Variants in AKAP9 observed in about 807,000 individuals in gnomAD.
The protein encoded by AKAP9 is A-kinase anchor protein 9.
AKAP9 carries 311 observed loss-of-function variants against 488.5 expected under a neutral mutation model. The observed-to-expected ratio is 0.64, with a 90% CI of 0.58 to 0.70. The LOEUF (loss-of-function observed/expected upper bound fraction) is 0.70. Among genes scored for constraint, AKAP9 ranks in the 30% least tolerant of loss-of-function variants. AKAP9 has a pLI of 0.00. For missense variants in AKAP9, 4,215 were observed against 4,374.5 expected (o/e 0.96, Z 1.03); for synonymous variants, 1,462 against 1,483.5 (o/e 0.99, Z 0.33).
intron 12 of AKAP9, among the ~76,000 whole-genome samples, chr7:92,019,428 C>T (rs929926273): frequency 3.3e-5 from 5 of 151,942 alleles, no homozygotes; most frequent in Admixed American, 6.6e-5. Context: ...GCATGAGCCA[C>T]CACACCCGAC....
chr7:91,977,613 C>A (rs1795872658), intron 2 of AKAP9, among the ~76,000 whole-genome samples: 1 of 152,170 alleles, frequency 6.6e-6, no homozygotes, highest in Non-Finnish European at 1.5e-5. Context: ...AGTACAATAT[C>A]TGTGTTCCTC....
intron 10 of AKAP9, among the ~76,000 whole-genome samples, chr7:92,014,868 A>G (rs1801288807): frequency 6.6e-6 from 1 of 152,150 alleles, no homozygotes; most frequent in African/African-American, 2.4e-5. Context: ...AACAGACACT[A>G]ATTGTTGATG....
intron 2 of AKAP9, among the ~76,000 whole-genome samples, chr7:91,979,878 T>A (rs1796165243): frequency 6.6e-6 from 1 of 152,170 alleles, no homozygotes; most frequent in Non-Finnish European, 1.5e-5. Flanking sequence ...ATTGTTTATT[T>A]TTGGAATTTT....
chr7:91,998,693 A>G (rs1247598999), intron 7 of AKAP9, among the ~76,000 whole-genome samples: 1 of 152,002 alleles, frequency 6.6e-6, no homozygotes, highest in Non-Finnish European at 1.5e-5. Context: ...ACATTTTTCA[A>G]ACTTAGTTAC....
intron 21 of AKAP9, 81 bp downstream of exon 21, chr7:92,045,294 TAGAAG>T: frequency 7.3e-7 from 1 of 1,368,560 alleles, no homozygotes; most frequent in Non-Finnish European, 1.0e-6. Flanking sequence ...GTTGAAAATA[TAGAAG>T]AGAAAATAAG....
In AKAP9 at chr7:92,003,159, A is replaced by C; in HGVS notation, c.3242A>C (p.Glu1081Ala). The C allele has an allele frequency of 6.2e-7, 1 of 1,611,340 alleles. No individual in the cohort carries two copies. Among genetic ancestry groups the C allele is most frequent in the Non-Finnish European group, 8.5e-7 (1 of 1,178,782 alleles). Residue 1081 changes from glutamate to alanine, a missense_variant, in exon 8 of 50, where the codon GAA becomes GCA. Coordinates refer to ENST00000356239, the MANE Select transcript of AKAP9 (RefSeq NM_005751.5). ...GATCACTTACCATCTGTAACAAAGGAATCATCACTTAGAGCAACTCAACCA... is the reference window on the plus strand; with the variant it reads ...GATCACTTACCATCTGTAACAAAGGCATCATCACTTAGAGCAACTCAACCA... ...ILDHLPSVTKESSLRATQPSE... is the reference protein window; with the variant it reads ...ILDHLPSVTKASSLRATQPSE...
rs150138799 is a variant in AKAP9, at chr7:92,102,731, G to A, written c.11235G>A (p.Gly3745=). 32 of 1,614,194 alleles carry A rather than the reference G, an allele frequency of 2.0e-5. No homozygotes were observed. In the East Asian group the frequency reaches 6.7e-4, roughly 34 times the overall value. Residue 3745 remains glycine (G), a synonymous_variant, in exon 46 of 50, where the codon GGG becomes GGA. Transcript: ENST00000356239. ...ATLALLARMG[G]QPAFTDLEVI... ...TGGCCCTGCTTGCCCGGATGGGGGG[G>A]CAGCCAGCTTTCACGGATCTAGAGG...
At chr7:91,974,576 T>G (rs1795435914) in intron 2 of AKAP9, among the ~76,000 whole-genome samples, 1 of 152,200 alleles carries the variant, frequency 6.6e-6, no homozygotes, top group Non-Finnish European at 1.5e-5. Context: ...TGGGATTGTT[T>G]TGGCTGTTGC....
chr7:92,038,051 A>T (rs1412156306), intron 16 of AKAP9, among the ~76,000 whole-genome samples: 1 of 152,200 alleles, frequency 6.6e-6, no homozygotes, highest in African/African-American at 2.4e-5. Context: ...ATTCATATCT[A>T]TCTCTGCAAA....
At chr7:91,946,346 C>A (rs897496065) in intron 1 of AKAP9, among the ~76,000 whole-genome samples, 4 of 151,426 alleles carry the variant, frequency 2.6e-5, no homozygotes, top group Non-Finnish European at 5.9e-5. Context: ...ACATTTATTG[C>A]AGCAATAGTG....
At position 92,066,516 on chromosome 7, in the gene AKAP9, CCAGCCTATCAGTGAA is replaced by C. The variant is rs1229169680; in HGVS notation, c.6303_6317del (p.Gln2101_Glu2105del). 1 of 1,613,362 alleles carries C rather than the reference CCAGCCTATCAGTGAA, an allele frequency of 6.2e-7. No homozygotes were observed. Among genetic ancestry groups the C allele is most frequent in the African/African-American group, 1.3e-5 (1 of 74,882 alleles). ...AGCAACTTAAGGTTGTTCCTCGATT[CCAGCCTATCAGTGAA>C]CATCAAACTAGAGAGGTAAGAACTT... On this transcript the variant is annotated inframe_deletion, in exon 26 of 50. Coordinates refer to ENST00000356239, the MANE Select transcript of AKAP9 (RefSeq NM_005751.5).
At position 92,083,499 on chromosome 7, in the gene AKAP9, G is replaced by A. The variant is rs772173332; in HGVS notation, c.8490G>A (p.Lys2830=). ...IISQFTEKIE[K]MQELHAAEIL... The stretch of plus-strand genomic sequence containing the variant: ...GTCAGTTTACTGAAAAAATTGAGAA[G>A]ATGCAAGAACTACATGCTGCTGAAA... The change falls in exon 33 of 50, where the codon AAG becomes AAA. Residue 2830 remains lysine, a synonymous_variant. Transcript: ENST00000356239. The A allele has an allele frequency of 3.7e-6, 6 of 1,611,800 alleles. No individual in the cohort carries two copies. In the African/African-American group the frequency reaches 8.0e-5, roughly 22 times the overall value.
At chr7:91,992,671 A>C (rs1220241866) in intron 4 of AKAP9, among the ~76,000 whole-genome samples, 1 of 139,748 alleles carries the variant, frequency 7.2e-6, no homozygotes, top group African/African-American at 2.7e-5. Flanking sequence ...CAAAAAAAAA[A>C]AAAAAAAAAA....
chr7:91,944,156 A>C (rs901271472), intron 1 of AKAP9, among the ~76,000 whole-genome samples: 2 of 152,120 alleles, frequency 1.3e-5, no homozygotes, highest in African/African-American at 2.4e-5. Context: ...TTCTACAAAG[A>C]CTTTTTGAGT....
chr7:92,097,322 G>A lies in AKAP9; in HGVS notation c.10363G>A (p.Glu3455Lys), dbSNP rs144170939. Residue 3455 changes from glutamate (E) to lysine (K), a missense_variant, in exon 41 of 50, where the codon GAA becomes AAA. Physicochemically the swap from Glu to Lys is moderately conservative, Grantham distance 56 (BLOSUM62 1). Around this residue, in one of 5 missense-constraint regions of AKAP9, gnomAD observed 1,476 missense variants for 1,477.4 expected, o/e 1.00. Coordinates refer to ENST00000356239, the MANE Select transcript of AKAP9 (RefSeq NM_005751.5). The part of the protein sequence containing the change: ...KQELEREEKR[E>K]SRRILYQNLN... ...AGAACTAGAACGAGAAGAAAAACGA[G>A]AAAGTAGAAGAATTCTGTATCAGAA... is the stretch of plus-strand genomic sequence containing the variant. The A allele has an allele frequency of 6.2e-7, 1 of 1,613,536 alleles. No homozygotes were observed. The highest frequency in any genetic ancestry group is 8.5e-7 in the Non-Finnish European group (1 of 1,179,918).
Position 92,083,632 on chromosome 7 carries a change from A to G in AKAP9, c.8623A>G (p.Ile2875Val), listed in dbSNP as rs747254473. ...GGAATGTGGTACCTTGAAGGCAGTG[A>G]TACAGTGTCTGAGAAGTAAAGAGGT... The part of the protein sequence containing the change: ...KEECGTLKAV[I>V]QCLRSKEGSS... The change falls in exon 33 of 50, where the codon ATA (isoleucine) becomes GTA (valine). Residue 2875 changes from isoleucine to valine, a missense_variant. By Grantham distance (29) the Ile-to-Val change is conservative. Around this residue, in one of 5 missense-constraint regions of AKAP9, gnomAD observed 1,476 missense variants for 1,477.4 expected, o/e 1.00. Coordinates refer to ENST00000356239, the MANE Select transcript of AKAP9 (RefSeq NM_005751.5). 6 of 1,611,306 alleles carry G rather than the reference A, an allele frequency of 3.7e-6. No individual in the cohort carries two copies. In the African/African-American group the frequency reaches 8.0e-5, roughly 22 times the overall value.
intron 14 of AKAP9, among the ~76,000 whole-genome samples, chr7:92,026,161 A>C (rs1467566860): frequency 6.6e-6 from 1 of 152,238 alleles, no homozygotes; most frequent in Admixed American, 6.5e-5. Flanking sequence ...AAGGTACATC[A>C]TATAAATAGG....
chr7:91,979,432 C>G (rs1330067797), intron 2 of AKAP9, among the ~76,000 whole-genome samples: 1 of 152,112 alleles, frequency 6.6e-6, no homozygotes, highest in Non-Finnish European at 1.5e-5. Flanking sequence ...TTATCTCCCA[C>G]CAGGTCTCTC....
intron 3 of AKAP9, among the ~76,000 whole-genome samples, chr7:91,991,528 G>A (rs1797752597): frequency 6.7e-6 from 1 of 149,750 alleles, no homozygotes; most frequent in Non-Finnish European, 1.5e-5. Context: ...CTGTAGTGCA[G>A]TGGCTCGATC....
Sources: allele counts gnomAD v4.1 joint callset (sites outside exome capture counted in the v4.1 genomes callset), GRCh38; gene constraint gnomAD v4.1.1; regional missense constraint gnomAD v4.1.1; transcripts MANE v1.5; gene names NCBI Gene and HGNC (gene_info 2026-07-23, HGNC 2026-07-21).